GRM8: variants seen among roughly 807,000 people sequenced by gnomAD.
GRM8 encodes the protein glutamate metabotropic receptor 8, also known as metabotropic glutamate receptor 8.
Under a neutral mutation model 87.2 loss-of-function variants are expected in GRM8, and 47 were observed. That is an observed-to-expected ratio of 0.54 (90% CI 0.43 to 0.69). The LOEUF (loss-of-function observed/expected upper bound fraction) is 0.69. Among genes scored for constraint, GRM8 ranks in the 30% least tolerant of loss-of-function variants. GRM8 has a pLI of 0.00. For synonymous variants in GRM8, 396 were observed against 404.5 expected, an observed-to-expected ratio of 0.98 and a Z score of 0.25; for missense variants, 1,019 against 1,139.2, an observed-to-expected ratio of 0.89 and a Z score of 1.52.
intron 9 of GRM8, among the ~76,000 whole-genome samples, chr7:126,479,888 C>T (rs1041764721): frequency 5.9e-5 from 9 of 151,982 alleles, no homozygotes; most frequent in Non-Finnish European, 1.2e-4. Context: ...TACAAGGTTC[C>T]AATTTCTCCA....
In GRM8 at chr7:127,239,962, A is replaced by G. The variant is rs17869375; in HGVS notation, c.510+2733T>C. Among the ~76,000 whole-genome samples the G allele has an allele frequency of 1.3e-3, 194 of 152,348 alleles. 2 individuals are homozygous for G. The highest frequency in any genetic ancestry group is 4.5e-3 in the African/African-American group (188 of 41,578). ...GTAGGTTAAACGCGCACTCTGGACCAGTGAACCGATCATGTTAGTCATGAC... is the reference window on the plus strand; with the variant it reads ...GTAGGTTAAACGCGCACTCTGGACCGGTGAACCGATCATGTTAGTCATGAC... On this transcript the variant is annotated intron_variant, in intron 2 of 10. Transcript: ENST00000339582.
intron 3 of GRM8, among the ~76,000 whole-genome samples, chr7:127,069,805 T>C (rs1342903872): frequency 6.6e-6 from 1 of 152,240 alleles, no homozygotes; most frequent in Non-Finnish European, 1.5e-5. Flanking sequence ...GATCCTAGTT[T>C]TGTAACCTCT....
At chr7:127,000,922 A>G (rs1813670100) in intron 3 of GRM8, among the ~76,000 whole-genome samples, 1 of 151,710 alleles carries the variant, frequency 6.6e-6, no homozygotes, top group Admixed American at 6.6e-5. Flanking sequence ...TTTTTTATGA[A>G]ATCTACAAAT....
At position 126,529,576 on chromosome 7, in the gene GRM8, C is replaced by A. The variant is rs151080918; in HGVS notation, c.2430+3376G>T. On this transcript the variant is annotated intron_variant, in intron 9 of 10. Coordinates refer to ENST00000339582, the MANE Select transcript of GRM8 (RefSeq NM_000845.3). ...TTTTTTCTTTTCTTTTCTTTTTTTG[C>A]CTTTTTGAGTTTTATTTTCTTTTCC... Among the ~76,000 whole-genome samples the A allele has an allele frequency of 9.8e-3, 1,491 of 151,906 alleles. 22 individuals carry two copies. The highest frequency in any genetic ancestry group is 0.034 in the African/African-American group (1,397 of 41,434).
chr7:127,185,239 G>A (rs564711380), intron 2 of GRM8, among the ~76,000 whole-genome samples: 2 of 152,032 alleles, frequency 1.3e-5, no homozygotes, highest in African/African-American at 2.4e-5. Context: ...AGGCAATGTC[G>A]TATTAGCAAA....
chr7:126,816,544 A>C (rs1258373062), intron 6 of GRM8, among the ~76,000 whole-genome samples: 1 of 152,114 alleles, frequency 6.6e-6, no homozygotes, highest in African/African-American at 2.4e-5. Context: ...AAAGATTGTT[A>C]ATATCTCTAA....
intron 3 of GRM8, among the ~76,000 whole-genome samples, chr7:127,063,552 G>A (rs1319503961): frequency 6.6e-6 from 1 of 151,416 alleles, no homozygotes; most frequent in Non-Finnish European, 1.5e-5. Context: ...CTCCAACCTG[G>A]GTGACACAGT....
chr7:127,230,377 C>T (rs761880333), intron 2 of GRM8, among the ~76,000 whole-genome samples: 44 of 151,380 alleles, frequency 2.9e-4, no homozygotes, highest in Non-Finnish European at 4.4e-4. Context: ...ACTTCCACCC[C>T]CACATAGCTG....
chr7:126,863,446 T>C (rs1259892207), intron 6 of GRM8, among the ~76,000 whole-genome samples: 1 of 152,160 alleles, frequency 6.6e-6, no homozygotes, highest in African/African-American at 2.4e-5. Context: ...ACGCACAAGG[T>C]ACTATGATGA....
chr7:126,607,398 C>T (rs1001283748), intron 8 of GRM8, among the ~76,000 whole-genome samples: 1 of 152,064 alleles, frequency 6.6e-6, no homozygotes, highest in African/African-American at 2.4e-5. Context: ...TTTCTGAGAA[C>T]TTGGGTGACT....
intron 3 of GRM8, among the ~76,000 whole-genome samples, chr7:126,951,396 C>A (rs1808140744): frequency 6.6e-6 from 1 of 151,988 alleles, no homozygotes; most frequent in African/African-American, 2.4e-5. Flanking sequence ...GCTCTTAGAA[C>A]CACAGTTATG....
chr7:127,052,935 G>C (rs1343199832), intron 3 of GRM8, among the ~76,000 whole-genome samples: 1 of 151,984 alleles, frequency 6.6e-6, no homozygotes, highest in African/African-American at 2.4e-5. Flanking sequence ...GCCTACAAAG[G>C]GCGACTGATT....
intron 9 of GRM8, among the ~76,000 whole-genome samples, chr7:126,507,660 A>G (rs1810682771): frequency 6.6e-6 from 1 of 151,978 alleles, no homozygotes; most frequent in East Asian, 1.9e-4. Context: ...TCTAATTTGT[A>G]TTTGCCTTTC....
chr7:126,638,435 C>T (rs1035404702), intron 7 of GRM8, among the ~76,000 whole-genome samples: 14 of 152,002 alleles, frequency 9.2e-5, no homozygotes, highest in African/African-American at 2.9e-4. Context: ...GGGAAGTTAA[C>T]CCACTAATTT....
intron 6 of GRM8, among the ~76,000 whole-genome samples, chr7:126,825,205 T>A (rs891524361): frequency 6.6e-6 from 1 of 152,074 alleles, no homozygotes; most frequent in African/African-American, 2.4e-5. Context: ...TAGCTGGGAC[T>A]AAAAATGCAC....
chr7:127,131,811 T>A (rs1827705469), intron 2 of GRM8, among the ~76,000 whole-genome samples: 1 of 152,222 alleles, frequency 6.6e-6, no homozygotes. Context: ...ATATTACTCT[T>A]ATAATTTAAC....
Position 127,106,511 on chromosome 7 carries a change from T to G in GRM8, c.712A>C (p.Ile238Leu). ...GESGVEAFTQ[I>L]SREIGGVCIA... ...ATATGCTTACCAATCTCCCTCGAGA[T>G]CTGGGTGAAGGCCTCCACACCGCTC... The change falls in exon 3 of 11, where the codon ATC becomes CTC. Residue 238 changes from isoleucine to leucine, a missense_variant. Physicochemically the swap from Ile to Leu is conservative, Grantham distance 5. Transcript: ENST00000339582. 1 of 1,612,962 alleles carries G rather than the reference T, an allele frequency of 6.2e-7. No homozygotes were observed. Among genetic ancestry groups the G allele is most frequent in the Non-Finnish European group, 8.5e-7 (1 of 1,179,074 alleles).
At chr7:127,056,852 G>A (rs1369236703) in intron 3 of GRM8, among the ~76,000 whole-genome samples, 1 of 152,128 alleles carries the variant, frequency 6.6e-6, no homozygotes, top group African/African-American at 2.4e-5. Context: ...TCACTTTCAG[G>A]AGACATGAAA....
At chr7:126,617,009 C>A (rs1456681780) in intron 7 of GRM8, among the ~76,000 whole-genome samples, 1 of 152,134 alleles carries the variant, frequency 6.6e-6, no homozygotes, top group African/African-American at 2.4e-5. Flanking sequence ...AGAGGGAATC[C>A]TCCCTAACTC....
Sources: gnomAD v4.1 joint callset for allele counts (sites outside exome capture counted in the v4.1 genomes callset) on GRCh38, gnomAD v4.1.1 for gene constraint, MANE v1.5 for transcripts, NCBI Gene and HGNC (gene_info 2026-07-23, HGNC 2026-07-21) for gene names.